FAM135B: variants seen among roughly 807,000 people sequenced by gnomAD.
The protein encoded by FAM135B is family with sequence similarity 135 member B.
FAM135B carries 43 observed loss-of-function variants against 127.7 expected under a neutral mutation model. The ratio of observed to expected loss-of-function variants is 0.34; its 90% CI spans 0.26 to 0.43. The LOEUF (loss-of-function observed/expected upper bound fraction) is 0.43, where lower values mean the gene tolerates loss of function less well. FAM135B is among the 20% of genes least tolerant of loss of function. FAM135B has a pLI of 1.00. For synonymous variants in FAM135B, 670 were observed against 665.1 expected (o/e 1.01, Z -0.11); for missense variants, 1,558 against 1,725.6 (o/e 0.90, Z 1.72).
intron 1 of FAM135B, among the ~76,000 whole-genome samples, chr8:138,482,226 G>T (rs1385580754): frequency 6.6e-6 from 1 of 152,216 alleles, no homozygotes; most frequent in Non-Finnish European, 1.5e-5. Context: ...GAAACAACAA[G>T]GTCCATAGGG....
At chr8:138,375,401 A>T (rs575852071) in intron 1 of FAM135B, among the ~76,000 whole-genome samples, 1 of 151,580 alleles carries the variant, frequency 6.6e-6, no homozygotes, top group Non-Finnish European at 1.5e-5. Flanking sequence ...GTGTGTGTGT[A>T]TATGTGTGTA....
In FAM135B at chr8:138,260,026, C is replaced by A. The variant is rs569893629; in HGVS notation, c.298-3267G>T. Among the ~76,000 whole-genome samples, 5 of 152,270 alleles carry A rather than the reference C, an allele frequency of 3.3e-5. No homozygotes were observed. In the South Asian group the frequency reaches 1.0e-3, roughly 32 times the overall value. ...AGCCAGAAAGATTAGGGTGCAAGTA[C>A]AAAGGAACATGGGAAGTTTATCTTA... On this transcript the variant is annotated intron_variant, in intron 4 of 19. Transcript: ENST00000395297.
intron 7 of FAM135B, among the ~76,000 whole-genome samples, chr8:138,208,885 A>C (rs1817918319): frequency 6.6e-6 from 1 of 152,342 alleles, no homozygotes; most frequent in Non-Finnish European, 1.5e-5. Context: ...TTTAAAAAAA[A>C]ATCTCATTAT....
At chr8:138,493,840 T>C (rs887071473) in intron 1 of FAM135B, among the ~76,000 whole-genome samples, 3 of 128,138 alleles carry the variant, frequency 2.3e-5, no homozygotes, top group Admixed American at 1.5e-4. Flanking sequence ...ATCCACACTT[T>C]ATGAATGAGG....
intron 1 of FAM135B, among the ~76,000 whole-genome samples, chr8:138,431,106 C>A (rs1005890093): frequency 2.6e-5 from 4 of 152,112 alleles, no homozygotes; most frequent in Non-Finnish European, 5.9e-5. Flanking sequence ...TTTATGTTCA[C>A]CTCCAGCTAA....
chr8:138,364,455 G>T (rs966065451), intron 2 of FAM135B, among the ~76,000 whole-genome samples: 1 of 152,150 alleles, frequency 6.6e-6, no homozygotes, highest in Non-Finnish European at 1.5e-5. Flanking sequence ...ACCACGCTCA[G>T]ACCTGTCCAT....
intron 3 of FAM135B, among the ~76,000 whole-genome samples, chr8:138,282,359 G>GA (rs1246620925): frequency 2.6e-5 from 4 of 151,854 alleles, no homozygotes; most frequent in Admixed American, 2.0e-4. Context: ...TTTCTGCTCA[G>GA]AAAAAAATCA....
rs935534548 is a variant in FAM135B, at chr8:138,273,951, C to T, written c.158-8109G>A. ...GCTGAGCACTCTCAAATGTATAATG[C>T]CAGCCCTATCTCTCTCCTGAGTGGG... On this transcript the variant is annotated intron_variant, in intron 3 of 19. Coordinates refer to ENST00000395297, the MANE Select transcript of FAM135B (RefSeq NM_015912.4). Among the ~76,000 whole-genome samples, 9 of 152,264 alleles carry T rather than the reference C, an allele frequency of 5.9e-5. No individual in the cohort carries two copies. In the East Asian group the frequency reaches 1.7e-3, roughly 29 times the overall value.
At chr8:138,283,688 G>A (rs531678541) in intron 3 of FAM135B, among the ~76,000 whole-genome samples, 8 of 151,998 alleles carry the variant, frequency 5.3e-5, no homozygotes, top group South Asian at 2.1e-4. Flanking sequence ...GGCCTTAGTC[G>A]AATACGAAAG....
intron 1 of FAM135B, among the ~76,000 whole-genome samples, chr8:138,392,609 A>G (rs73717251): frequency 6.6e-6 from 1 of 151,806 alleles, no homozygotes; most frequent in African/African-American, 2.4e-5. Context: ...AAAAAAGAAC[A>G]ATGCTTTAGA....
intron 7 of FAM135B, among the ~76,000 whole-genome samples, chr8:138,219,641 C>A (rs1818867711): frequency 1.3e-5 from 2 of 152,168 alleles, no homozygotes; most frequent in Non-Finnish European, 2.9e-5. Flanking sequence ...AAACCAGGGT[C>A]ATCCTTGTAT....
chr8:138,327,288 A>G (rs1021138854), intron 2 of FAM135B, among the ~76,000 whole-genome samples: 15 of 152,186 alleles, frequency 9.9e-5, no homozygotes, highest in Admixed American at 9.8e-4. Flanking sequence ...TTCTATCTGG[A>G]CAATATTCAA....
intron 1 of FAM135B, among the ~76,000 whole-genome samples, chr8:138,407,512 A>G (rs950867384): frequency 3.9e-5 from 6 of 152,332 alleles, no homozygotes; most frequent in Middle Eastern, 3.4e-3. Flanking sequence ...AAACTATACT[A>G]CAAGGCTACA....
chr8:138,148,442 C>T, intron 14 of FAM135B, 78 bp downstream of exon 14: 1 of 1,072,266 alleles, frequency 9.3e-7, no homozygotes, highest in African/African-American at 1.8e-5. Context: ...GAATGAATAC[C>T]TCATCTAAAT....
In FAM135B at chr8:138,496,228, G is replaced by C. The variant is rs184070900; in HGVS notation, c.-20+443C>G. Among the ~76,000 whole-genome samples, 4 of 152,228 alleles carry C rather than the reference G, an allele frequency of 2.6e-5. No homozygotes were observed. The East Asian group carries it at 5.8e-4, about 22-fold the overall frequency. On this transcript the variant is annotated intron_variant, in intron 1 of 19. Transcript: ENST00000395297. ...AGCTGCAGTGTCCCCGCACACCCCT[G>C]TCCCCAGCCAAGCCACAGGAAGAAC...
At chr8:138,231,227 G>T (rs1049497034) in intron 7 of FAM135B, among the ~76,000 whole-genome samples, 3 of 152,006 alleles carry the variant, frequency 2.0e-5, no homozygotes, top group East Asian at 1.9e-4. Flanking sequence ...TGTCTTGTTG[G>T]CCAGGCTGGT....
intron 13 of FAM135B, among the ~76,000 whole-genome samples, chr8:138,150,600 G>A (rs563474081): frequency 6.8e-4 from 104 of 152,174 alleles, no homozygotes; most frequent in African/African-American, 2.0e-3. Flanking sequence ...CCCAGCAGGC[G>A]GAGGCTGCAG....
chr8:138,236,751 A>G (rs961288265), intron 7 of FAM135B, among the ~76,000 whole-genome samples: 1 of 152,238 alleles, frequency 6.6e-6, no homozygotes, highest in Non-Finnish European at 1.5e-5. Context: ...ATTCGAAATG[A>G]TCAATAACAT....
intron 3 of FAM135B, among the ~76,000 whole-genome samples, chr8:138,309,376 G>A (rs1404523380): frequency 2.6e-5 from 4 of 152,230 alleles, no homozygotes; most frequent in Admixed American, 6.5e-5. Flanking sequence ...TCCCAGGAGA[G>A]AGGGGTGGAG....
Sources: allele counts gnomAD v4.1 joint callset (sites outside exome capture counted in the v4.1 genomes callset), GRCh38; gene constraint gnomAD v4.1.1; transcripts MANE v1.5; gene names NCBI Gene and HGNC (gene_info 2026-07-23, HGNC 2026-07-21).